SCAMP1: variants seen among roughly 807,000 people sequenced by gnomAD.
The protein encoded by SCAMP1 is secretory carrier-associated membrane protein 1.
SCAMP1 carries 15 observed loss-of-function variants against 41.8 expected under a neutral mutation model. That is an observed-to-expected ratio of 0.36 (90% CI 0.24 to 0.55). The LOEUF (loss-of-function observed/expected upper bound fraction) is 0.55. Ranked by LOEUF, SCAMP1 falls within the 20% of genes least tolerant of loss-of-function variation. The pLI is 0.86. For synonymous variants in SCAMP1, 135 were observed against 136.8 expected, an observed-to-expected ratio of 0.99 and a Z score of 0.09; for missense variants, 341 against 412.6, an observed-to-expected ratio of 0.83 and a Z score of 1.50.
intron 6 of SCAMP1, among the ~76,000 whole-genome samples, chr5:78,445,887 T>G (rs1014354279): frequency 1.3e-5 from 2 of 152,250 alleles, no homozygotes; most frequent in African/African-American, 2.4e-5. Context: ...TCTAGGTAGT[T>G]AAGTAAGTGC....
chr5:78,397,095 G>A (rs1751671672), intron 2 of SCAMP1, among the ~76,000 whole-genome samples: 1 of 152,090 alleles, frequency 6.6e-6, no homozygotes, highest in African/African-American at 2.4e-5. Flanking sequence ...ATAAAGTTTT[G>A]TTATAGTTAC....
At chr5:78,468,762 G>A (rs771425631) in intron 8 of SCAMP1, among the ~76,000 whole-genome samples, 4 of 152,122 alleles carry the variant, frequency 2.6e-5, no homozygotes, top group Admixed American at 6.5e-5. Context: ...ACTCATTTTT[G>A]TGGGAGCGCT....
intron 2 of SCAMP1, among the ~76,000 whole-genome samples, chr5:78,397,633 C>CA: frequency 6.6e-6 from 1 of 152,230 alleles, no homozygotes; most frequent in East Asian, 1.9e-4. Flanking sequence ...ATTAAAAAGA[C>CA]AACCAGGCTG....
At position 78,475,924 on chromosome 5, in the gene SCAMP1, T is replaced by A; in HGVS notation, c.*256T>A. 1 of 216,126 alleles carries A rather than the reference T, an allele frequency of 4.6e-6. No homozygotes were observed. The highest frequency in any genetic ancestry group is 9.1e-6 in the Non-Finnish European group (1 of 109,378). 13.4% of individuals were successfully genotyped at this position (216,126 alleles called of 1,614,324 possible). ...TCTCCATATTTTTGGGGGATGACAT[T>A]CAGTGAATTATTTCAGTGGTGACCC... On this transcript the variant is annotated 3_prime_UTR_variant, in exon 9 of 9. Transcript: ENST00000621999.
Position 78,479,165 on chromosome 5 carries a change from C to A in SCAMP1, c.*3497C>A, listed in dbSNP as rs1039706565. 2.6e-5 allele frequency: 4 copies of A among 152,052 alleles called. No homozygotes were observed. The highest frequency in any genetic ancestry group is 5.9e-5 in the Non-Finnish European group (4 of 67,988). The allele number at this position is 152,052 out of a possible 1,614,324, so 9.4% of individuals were successfully genotyped here. On this transcript the variant is annotated 3_prime_UTR_variant, in exon 9 of 9. Coordinates refer to ENST00000621999, the MANE Select transcript of SCAMP1 (RefSeq NM_004866.6). ...CTGCTTATGTATACCTTAGAGTTAC[C>A]ATGGCTGTCATATACCATTTCACTA...
chr5:78,420,129 C>A (rs1752305412), intron 5 of SCAMP1, among the ~76,000 whole-genome samples: 1 of 152,126 alleles, frequency 6.6e-6, no homozygotes. Context: ...GATCTTGGTT[C>A]ACTGCAACCT....
intron 1 of SCAMP1, among the ~76,000 whole-genome samples, chr5:78,387,869 G>A (rs1006384257): frequency 1.1e-4 from 17 of 152,224 alleles, no homozygotes; most frequent in Non-Finnish European, 8.8e-5. Context: ...TAGCAGCAGA[G>A]TGAAGTGGAT....
intron 2 of SCAMP1, among the ~76,000 whole-genome samples, chr5:78,397,521 A>G (rs1345586515): frequency 6.6e-6 from 1 of 152,252 alleles, no homozygotes; most frequent in Non-Finnish European, 1.5e-5. Context: ...AGCACTATCA[A>G]GAGAGTGAAA....
At chr5:78,419,307 T>A (rs1752283272) in intron 5 of SCAMP1, among the ~76,000 whole-genome samples, 1 of 152,238 alleles carries the variant, frequency 6.6e-6, no homozygotes, top group Admixed American at 6.5e-5. Context: ...TAGCTATTTT[T>A]AAAAGGGCAT....
At chr5:78,462,229 CTATT>C (rs1253037892) in intron 8 of SCAMP1, among the ~76,000 whole-genome samples, 3 of 111,180 alleles carry the variant, frequency 2.7e-5, no homozygotes, top group Non-Finnish European at 6.1e-5. Context: ...GTGTGTGTGT[CTATT>C]GTAAATGGGA....
chr5:78,411,075 C>T (rs772885636), intron 2 of SCAMP1, among the ~76,000 whole-genome samples: 1 of 152,036 alleles, frequency 6.6e-6, no homozygotes, highest in African/African-American at 2.4e-5. Context: ...AATTTTCTCC[C>T]GTTTTGTAGG....
intron 3 of SCAMP1, 30 bp downstream of exon 3, chr5:78,415,648 A>G (rs1037019392): frequency 2.3e-6 from 3 of 1,297,306 alleles, no homozygotes; most frequent in Admixed American, 2.0e-5. Flanking sequence ...ATAAATTCAT[A>G]TTGGCCATTA....
chr5:78,429,934 C>G (rs1209323730), intron 6 of SCAMP1, among the ~76,000 whole-genome samples: 1 of 150,522 alleles, frequency 6.6e-6, no homozygotes, highest in Non-Finnish European at 1.5e-5. Context: ...CCCCTTTTCC[C>G]CAACACACAT....
rs1377911643 is a variant in SCAMP1, at chr5:78,458,168, G to T, written c.735-1077G>T. On this transcript the variant is annotated intron_variant, in intron 7 of 8. Transcript: ENST00000621999. Reference sequence around the variant, plus strand: ...TTCTGCGTCGCTCTCGCTGGGAGCTGTAGACCGGAGCTGTTCCTATTCGGC... The same window carrying T: ...TTCTGCGTCGCTCTCGCTGGGAGCTTTAGACCGGAGCTGTTCCTATTCGGC... Among the ~76,000 whole-genome samples, 15 of 152,256 alleles carry T rather than the reference G, an allele frequency of 9.9e-5. No individual in the cohort carries two copies. The South Asian group carries it at 2.3e-3, about 23-fold the overall frequency.
chr5:78,449,455 G>A (rs1753161502), intron 6 of SCAMP1, among the ~76,000 whole-genome samples: 1 of 152,108 alleles, frequency 6.6e-6, no homozygotes, highest in African/African-American at 2.4e-5. Context: ...TCAAACTATG[G>A]TAACAGAAAA....
intron 1 of SCAMP1, among the ~76,000 whole-genome samples, chr5:78,386,475 ACTGTTCTATTCATTGTGCTATTTG>A (rs1751344209): frequency 6.6e-6 from 1 of 151,914 alleles, no homozygotes; most frequent in East Asian, 1.9e-4. Context: ...GATGTGAGGT[ACTGTTCTATTCATTGTGCTATTTG>A]TTGCCTGAAT....
chr5:78,379,388 C>G (rs1751143316), intron 1 of SCAMP1, among the ~76,000 whole-genome samples: 1 of 152,224 alleles, frequency 6.6e-6, no homozygotes. Flanking sequence ...ACTACAGTTG[C>G]TAAAGCTAAT....
At chr5:78,388,741 GACC>G (rs924678627) in intron 1 of SCAMP1, 93 bp from the exon 2 acceptor site, 3 of 572,048 alleles carry the variant, frequency 5.2e-6, no homozygotes, top group African/African-American at 3.9e-5. Flanking sequence ...CTTGCTGCAT[GACC>G]ACAAGTATAG....
intron 7 of SCAMP1, chr5:78,457,811 A>T (rs1188986685): frequency 6.2e-6 from 1 of 161,842 alleles, no homozygotes; most frequent in African/African-American, 2.4e-5. Flanking sequence ...GTTTGATCTC[A>T]GATTGCTGTG....
Sources: allele counts gnomAD v4.1 joint callset (sites outside exome capture counted in the v4.1 genomes callset), GRCh38; gene constraint gnomAD v4.1.1; transcripts MANE v1.5; gene names NCBI Gene and HGNC (gene_info 2026-07-23, HGNC 2026-07-21).